Variants in RFX3 observed in about 807,000 individuals in gnomAD.
RFX3 encodes transcription factor RFX3.
A neutral mutation model predicts 98.6 loss-of-function variants in RFX3; 14 were observed. The observed-to-expected ratio is 0.14, with a 90% CI of 0.09 to 0.22. The LOEUF (loss-of-function observed/expected upper bound fraction) is 0.22, where lower values mean the gene tolerates loss of function less well. Among genes scored for constraint, RFX3 ranks in the 10% least tolerant of loss-of-function variants. The probability of loss-of-function intolerance (pLI) is 1.00; values close to 1 mark genes in which losing one functional copy is unlikely to be tolerated. For missense variants in RFX3, 639 were observed against 926.9 expected (o/e 0.69, Z 4.03); for synonymous variants, 383 against 328.4 (o/e 1.17, Z -1.80).
chr9:3,368,998 C>A (rs1471253234), intron 2 of RFX3, among the ~76,000 whole-genome samples: 1 of 152,048 alleles, frequency 6.6e-6, no homozygotes, highest in African/African-American at 2.4e-5. Flanking sequence ...AGAGGGAATC[C>A]TTAATAAGGA....
intron 2 of RFX3, among the ~76,000 whole-genome samples, chr9:3,379,992 T>C (rs886253939): frequency 2.0e-5 from 3 of 152,006 alleles, no homozygotes; most frequent in African/African-American, 7.3e-5. Flanking sequence ...AATGGTGTGA[T>C]CTCAGCTCAC....
chr9:3,489,089 A>T (rs1850520601), intron 1 of RFX3, among the ~76,000 whole-genome samples: 1 of 151,962 alleles, frequency 6.6e-6, no homozygotes, highest in Non-Finnish European at 1.5e-5. Flanking sequence ...ATACATGCTT[A>T]AAAAAAAGTA....
chr9:3,275,877 TCA>T (rs1825142652), intron 8 of RFX3, among the ~76,000 whole-genome samples: 1 of 152,106 alleles, frequency 6.6e-6, no homozygotes, highest in African/African-American at 2.4e-5. Flanking sequence ...ATACTGCATA[TCA>T]CAGTGTCTCT....
intron 15 of RFX3, among the ~76,000 whole-genome samples, chr9:3,238,555 G>T (rs1819490694): frequency 6.6e-6 from 1 of 152,106 alleles, no homozygotes; most frequent in African/African-American, 2.4e-5. Context: ...GAAGAAATAG[G>T]CCCTTTAAAG....
At chr9:3,440,603 G>A (rs1006821023) in intron 1 of RFX3, among the ~76,000 whole-genome samples, 1 of 152,060 alleles carries the variant, frequency 6.6e-6, no homozygotes, top group Non-Finnish European at 1.5e-5. Flanking sequence ...TAAGTAAAGA[G>A]GTATAACTTG....
At chr9:3,477,724 A>AT (rs1326390361) in intron 1 of RFX3, among the ~76,000 whole-genome samples, 12 of 151,346 alleles carry the variant, frequency 7.9e-5, no homozygotes, top group South Asian at 6.3e-4. Flanking sequence ...GTTTTCTGCC[A>AT]TTTTTTTTTA....
intron 1 of RFX3, among the ~76,000 whole-genome samples, chr9:3,456,485 A>G (rs1847163626): frequency 6.6e-6 from 1 of 152,012 alleles, no homozygotes; most frequent in Non-Finnish European, 1.5e-5. Flanking sequence ...TTTATGTGAT[A>G]TGCAAATGTG....
intron 2 of RFX3, among the ~76,000 whole-genome samples, chr9:3,364,972 A>C (rs1448043279): frequency 6.6e-6 from 1 of 152,174 alleles, no homozygotes; most frequent in Non-Finnish European, 1.5e-5. Context: ...TTTTAAATTA[A>C]TTCTTTTAAG....
At chr9:3,433,197 CAA>C (rs1844807204) in intron 1 of RFX3, among the ~76,000 whole-genome samples, 1 of 152,032 alleles carries the variant, frequency 6.6e-6, no homozygotes, top group Non-Finnish European at 1.5e-5. Context: ...CCATGTTGTT[CAA>C]GAGTCAACTG....
Position 3,433,704 on chromosome 9 carries a change from A to G in RFX3, c.-8-38108T>C, listed in dbSNP as rs556510387. 4.4e-4 allele frequency among the ~76,000 whole-genome samples: 67 copies of G among 152,334 alleles called. 1 individual carries two copies. Among genetic ancestry groups the G allele is most frequent in the African/African-American group, 1.4e-3 (57 of 41,594 alleles). ...TTTCAGAACTGTTCAAACATTGCCT[A>G]TTCCATAAAGATTTTCACAATCAAA... On this transcript the variant is annotated intron_variant, in intron 1 of 16. Coordinates refer to ENST00000617270, the MANE Select transcript of RFX3 (RefSeq NM_001282116.2).
chr9:3,255,241 A>T (rs187353494), intron 14 of RFX3, among the ~76,000 whole-genome samples: 3 of 152,374 alleles, frequency 2.0e-5, no homozygotes, highest in Admixed American at 6.5e-5. Flanking sequence ...CATAATTAAA[A>T]GACCTCTGAT....
intron 1 of RFX3, among the ~76,000 whole-genome samples, chr9:3,504,273 G>A (rs10972271): frequency 5.2e-5 from 6 of 115,562 alleles, no homozygotes; most frequent in African/African-American, 1.8e-4. Flanking sequence ...ATACTATATT[G>A]TATATAACAT....
chr9:3,352,037 G>A (rs1835199790), intron 2 of RFX3, among the ~76,000 whole-genome samples: 1 of 151,948 alleles, frequency 6.6e-6, no homozygotes, highest in Non-Finnish European at 1.5e-5. Flanking sequence ...CTGACATTAT[G>A]AAGTGAATCT....
intron 2 of RFX3, among the ~76,000 whole-genome samples, chr9:3,366,754 T>TTTCTTTCTTTCTTTCTTTCTTTCTTTC (rs1339066119): frequency 1.4e-5 from 1 of 72,676 alleles, no homozygotes; most frequent in Non-Finnish European, 2.9e-5. Flanking sequence ...TTCTTTCTTT[T>TTTCTTTCTTTCTTTCTTTCTTTCTTTC]TGGCTATTCT....
chr9:3,253,669 T>C (rs1180101849), intron 14 of RFX3, among the ~76,000 whole-genome samples: 2 of 152,114 alleles, frequency 1.3e-5, no homozygotes, highest in African/African-American at 4.8e-5. Flanking sequence ...CTATTATGAT[T>C]CTCGGCAAGT....
At chr9:3,270,026 A>G (rs1824170788) in intron 11 of RFX3, among the ~76,000 whole-genome samples, 1 of 151,318 alleles carries the variant, frequency 6.6e-6, no homozygotes, top group East Asian at 1.9e-4. Flanking sequence ...GGGCTGTTAT[A>G]TCTACAGGTT....
chr9:3,488,855 T>G (rs866646459), intron 1 of RFX3: 45 of 984,562 alleles, frequency 4.6e-5, no homozygotes, highest in Middle Eastern at 5.2e-4. Flanking sequence ...GCAGATTGAG[T>G]GTTTATCTTC....
At chr9:3,345,056 G>T (rs1834304093) in intron 3 of RFX3, among the ~76,000 whole-genome samples, 1 of 152,078 alleles carries the variant, frequency 6.6e-6, no homozygotes, top group South Asian at 2.1e-4. Flanking sequence ...TTCCTACTAT[G>T]GGAAACATAA....
intron 1 of RFX3, among the ~76,000 whole-genome samples, chr9:3,455,074 C>T (rs900536618): frequency 6.6e-6 from 1 of 152,210 alleles, no homozygotes; most frequent in Non-Finnish European, 1.5e-5. Context: ...ACCAAATCCT[C>T]TCTAGTCAAT....
Sources: gnomAD v4.1 joint callset for allele counts (sites outside exome capture counted in the v4.1 genomes callset) on GRCh38, gnomAD v4.1.1 for gene constraint, MANE v1.5 for transcripts, NCBI Gene and HGNC (gene_info 2026-07-23, HGNC 2026-07-21) for gene names.